Variants in PTPRD observed in about 807,000 individuals in gnomAD.
PTPRD encodes the protein protein tyrosine phosphatase receptor type D.
Under a neutral mutation model 214.5 loss-of-function variants are expected in PTPRD, and 34 were observed. That is an observed-to-expected ratio of 0.16 (90% CI 0.12 to 0.21). The LOEUF (loss-of-function observed/expected upper bound fraction) is 0.21, where lower values mean the gene tolerates loss of function less well. Among genes scored for constraint, PTPRD ranks in the 10% least tolerant of loss-of-function variants. PTPRD has a pLI of 1.00. For synonymous variants in PTPRD, 1,128 were observed against 845.7 expected, an observed-to-expected ratio of 1.33 and a Z score of -5.79; for missense variants, 2,545 against 2,398.7, an observed-to-expected ratio of 1.06 and a Z score of -1.27.
intron 11 of PTPRD, among the ~76,000 whole-genome samples, chr9:8,917,335 AC>A (rs1021561748): frequency 1.1e-4 from 16 of 148,842 alleles, no homozygotes; most frequent in Admixed American, 8.1e-4. Flanking sequence ...ACAGCGTTTC[AC>A]CATTTTGGCC....
intron 3 of PTPRD, among the ~76,000 whole-genome samples, chr9:10,239,696 T>A (rs1353836438): frequency 1.1e-5 from 1 of 91,452 alleles, no homozygotes; most frequent in Non-Finnish European, 3.0e-5. Flanking sequence ...TGATAACTAC[T>A]GAATCCAGAA....
intron 9 of PTPRD, among the ~76,000 whole-genome samples, chr9:9,253,234 T>C (rs1234461701): frequency 6.6e-6 from 1 of 152,050 alleles, no homozygotes; most frequent in Non-Finnish European, 1.5e-5. Flanking sequence ...GATCATGATA[T>C]CTATTTTTTT....
In PTPRD at chr9:8,812,630, C is replaced by G. The variant is rs57083056; in HGVS notation, c.-103-78684G>C. On this transcript the variant is annotated intron_variant, in intron 11 of 45. Coordinates refer to ENST00000381196, the MANE Select transcript of PTPRD (RefSeq NM_002839.4). ...ATAAACTGACTTCATTCCAACCTTCCAATCTTTAGTCCATGTTGACCTTCA... is the reference window on the plus strand; with the variant it reads ...ATAAACTGACTTCATTCCAACCTTCGAATCTTTAGTCCATGTTGACCTTCA... Among the ~76,000 whole-genome samples the G allele has an allele frequency of 9.1e-3, 1,386 of 152,044 alleles. 24 individuals carry two copies. The highest frequency in any genetic ancestry group is 0.032 in the African/African-American group (1,311 of 41,474).
chr9:9,740,191 T>C (rs181190902), intron 6 of PTPRD, among the ~76,000 whole-genome samples: 44 of 152,282 alleles, frequency 2.9e-4, no homozygotes, highest in African/African-American at 1.0e-3. Context: ...AGAAGATGCA[T>C]GTTGTCATAT....
intron 11 of PTPRD, among the ~76,000 whole-genome samples, chr9:9,005,607 T>C (rs6477364): frequency 0.1 from 15,571 of 152,026 alleles, 959 homozygotes; most frequent in Middle Eastern, 0.14. Flanking sequence ...AAAACCTAAG[T>C]ATAAGAAGAC....
intron 12 of PTPRD, among the ~76,000 whole-genome samples, chr9:8,638,565 C>T (rs2096498809): frequency 1.3e-5 from 2 of 152,128 alleles, no homozygotes; most frequent in African/African-American, 4.8e-5. Context: ...TTCAAGGTTT[C>T]CTAGCTTTAT....
chr9:9,676,823 T>G lies in PTPRD; in HGVS notation c.-287+57710A>C, dbSNP rs2096940949. Among the ~76,000 whole-genome samples the G allele has an allele frequency of 2.0e-5, 3 of 152,288 alleles. No homozygotes were observed. In the East Asian group the frequency reaches 5.8e-4, roughly 30 times the overall value. On this transcript the variant is annotated intron_variant, in intron 7 of 45. Transcript: ENST00000381196. Reference sequence around the variant, plus strand: ...ACTTTTTAATGATCGCCATTTTAACTGGTGTGAGATGGTATCTCATTGTGG... The same window carrying G: ...ACTTTTTAATGATCGCCATTTTAACGGGTGTGAGATGGTATCTCATTGTGG...
At chr9:9,284,476 A>G (rs979199433) in intron 9 of PTPRD, among the ~76,000 whole-genome samples, 1 of 151,668 alleles carries the variant, frequency 6.6e-6, no homozygotes, top group African/African-American at 2.4e-5. Flanking sequence ...CACAAGCAAA[A>G]CAATATTAAC....
At chr9:10,191,979 G>A (rs948354268) in intron 3 of PTPRD, among the ~76,000 whole-genome samples, 4 of 152,094 alleles carry the variant, frequency 2.6e-5, no homozygotes, top group Non-Finnish European at 5.9e-5. Flanking sequence ...CAAATCACAG[G>A]TACTGGTTGA....
intron 2 of PTPRD, among the ~76,000 whole-genome samples, chr9:10,486,422 G>A (rs557093576): frequency 3.9e-5 from 6 of 152,052 alleles, no homozygotes; most frequent in South Asian, 2.1e-4. Flanking sequence ...TCCCAGCACC[G>A]TTTACTGAAT....
At chr9:9,679,782 C>T (rs368896141) in intron 7 of PTPRD, among the ~76,000 whole-genome samples, 6 of 151,972 alleles carry the variant, frequency 3.9e-5, no homozygotes, top group East Asian at 1.9e-4. Flanking sequence ...AATTGCATTT[C>T]AGTGACTCAA....
In PTPRD at chr9:9,112,614, C is replaced by T. The variant is rs549447633; in HGVS notation, c.-143+70690G>A. Among the ~76,000 whole-genome samples, 171 of 152,246 alleles carry T rather than the reference C, an allele frequency of 1.1e-3. 1 individual carries two copies. Among genetic ancestry groups the T allele is most frequent in the African/African-American group, 4.0e-3 (166 of 41,566 alleles). On this transcript the variant is annotated intron_variant, in intron 10 of 45. Coordinates refer to ENST00000381196, the MANE Select transcript of PTPRD (RefSeq NM_002839.4). Reference sequence around the variant, plus strand: ...TTACTCTCTTGACTGATGCAAACCTCGACTAATTCTCTTTATCCAGATAAT... The same window carrying T: ...TTACTCTCTTGACTGATGCAAACCTTGACTAATTCTCTTTATCCAGATAAT...
At chr9:10,519,167 A>G (rs560123763) in intron 2 of PTPRD, among the ~76,000 whole-genome samples, 4 of 145,574 alleles carry the variant, frequency 2.7e-5, no homozygotes, top group Non-Finnish European at 4.5e-5. Context: ...ATGTAAAAAT[A>G]TCCTCCTCCA....
At chr9:8,732,277 C>G (rs1440941031) in intron 12 of PTPRD, among the ~76,000 whole-genome samples, 1 of 152,178 alleles carries the variant, frequency 6.6e-6, no homozygotes, top group Non-Finnish European at 1.5e-5. Context: ...AATATAACTT[C>G]ATGGACGTAC....
intron 9 of PTPRD, among the ~76,000 whole-genome samples, chr9:9,243,956 A>C (rs1241706510): frequency 6.6e-6 from 1 of 152,210 alleles, no homozygotes; most frequent in East Asian, 1.9e-4. Context: ...AGGATATAAA[A>C]TCAATGTGCA....
At chr9:10,507,625 AG>A (rs1454410713) in intron 2 of PTPRD, among the ~76,000 whole-genome samples, 3 of 152,148 alleles carry the variant, frequency 2.0e-5, no homozygotes, top group Non-Finnish European at 4.4e-5. Flanking sequence ...AACGGAACAG[AG>A]CCCTCAGAAA....
chr9:8,368,929 T>C (rs762369331), intron 39 of PTPRD, among the ~76,000 whole-genome samples: 5 of 152,128 alleles, frequency 3.3e-5, no homozygotes, highest in Non-Finnish European at 7.4e-5. Context: ...AATAAGGACA[T>C]AATTTGTACA....
At chr9:9,704,088 C>CA (rs1409247103) in intron 7 of PTPRD, among the ~76,000 whole-genome samples, 3 of 55,016 alleles carry the variant, frequency 5.5e-5, no homozygotes, top group Non-Finnish European at 9.0e-5. Context: ...TTCTGTAAGA[C>CA]CCTGAAACCA....
intron 5 of PTPRD, among the ~76,000 whole-genome samples, chr9:9,837,398 T>C (rs1386125136): frequency 6.6e-6 from 1 of 152,138 alleles, no homozygotes; most frequent in Non-Finnish European, 1.5e-5. Context: ...TAGAACCAAT[T>C]GCATTTTAGT....
Sources: gnomAD v4.1 joint callset for allele counts (sites outside exome capture counted in the v4.1 genomes callset) on GRCh38, gnomAD v4.1.1 for gene constraint, MANE v1.5 for transcripts, NCBI Gene and HGNC (gene_info 2026-07-23, HGNC 2026-07-21) for gene names.